Variants in SPATA17 observed in about 807,000 individuals in gnomAD.
The protein encoded by SPATA17 is spermatogenesis associated 17.
In SPATA17, 53 loss-of-function variants were observed where a neutral mutation model predicts 62.2. That is an observed-to-expected ratio of 0.85 (90% CI 0.68 to 1.07). The LOEUF (loss-of-function observed/expected upper bound fraction) is 1.07, where lower values mean the gene tolerates loss of function less well. Ranked by LOEUF, SPATA17 falls within the 50% of genes least tolerant of loss-of-function variation. The probability of loss-of-function intolerance (pLI) is 0.00; values close to 1 mark genes in which losing one functional copy is unlikely to be tolerated. For missense variants in SPATA17, 466 were observed against 425.5 expected, an observed-to-expected ratio of 1.10 and a Z score of -0.84; for synonymous variants, 146 against 146.8, an observed-to-expected ratio of 0.99 and a Z score of 0.04.
chr1:217,664,571 A>G (rs554635341), intron 3 of SPATA17, among the ~76,000 whole-genome samples: 354 of 152,204 alleles, frequency 2.3e-3, no homozygotes, highest in Non-Finnish European at 4.1e-3. Flanking sequence ...CTGGGAATAC[A>G]GGCGTAAACC....
At chr1:217,793,943 G>A (rs1227258644) in intron 8 of SPATA17, among the ~76,000 whole-genome samples, 1 of 151,808 alleles carries the variant, frequency 6.6e-6, no homozygotes, top group Admixed American at 6.6e-5. Context: ...GTGAAACCCC[G>A]TCTTTACTAA....
At chr1:217,749,899 C>T (rs56183781) in intron 6 of SPATA17, among the ~76,000 whole-genome samples, 1 of 146,930 alleles carries the variant, frequency 6.8e-6, no homozygotes, top group African/African-American at 2.5e-5. Flanking sequence ...TATGAGCATA[C>T]TGATACAGTC....
chr1:217,784,444 A>C (rs1673805561), intron 8 of SPATA17, among the ~76,000 whole-genome samples: 1 of 152,146 alleles, frequency 6.6e-6, no homozygotes, highest in Non-Finnish European at 1.5e-5. Context: ...TGAAAATTGC[A>C]GTGTGTTATA....
At chr1:217,778,042 A>G (rs1200835716) in intron 7 of SPATA17, among the ~76,000 whole-genome samples, 2 of 152,174 alleles carry the variant, frequency 1.3e-5, no homozygotes, top group East Asian at 3.8e-4. Flanking sequence ...ATCACATTGC[A>G]TATATAACAT....
chr1:217,719,468 G>T (rs563949575), intron 5 of SPATA17, among the ~76,000 whole-genome samples: 1 of 152,114 alleles, frequency 6.6e-6, no homozygotes, highest in Non-Finnish European at 1.5e-5. Context: ...GACTGCACAT[G>T]GCTTTAAATT....
intron 9 of SPATA17, among the ~76,000 whole-genome samples, chr1:217,858,499 G>T (rs551281254): frequency 6.6e-6 from 1 of 152,146 alleles, no homozygotes; most frequent in African/African-American, 2.4e-5. Flanking sequence ...CTATTTTCTA[G>T]AACAAATTAC....
intron 5 of SPATA17, among the ~76,000 whole-genome samples, chr1:217,721,988 T>G (rs1672137791): frequency 6.6e-6 from 1 of 152,182 alleles, no homozygotes; most frequent in African/African-American, 2.4e-5. Context: ...CCCTCTCTTC[T>G]GCCTTCCACA....
intron 8 of SPATA17, among the ~76,000 whole-genome samples, chr1:217,788,275 A>C (rs1392870058): frequency 6.6e-6 from 1 of 152,306 alleles, no homozygotes; most frequent in Non-Finnish European, 1.5e-5. Flanking sequence ...AGGAGACTAT[A>C]ATTATATCCA....
At chr1:217,780,625 C>A (rs1397406947) in intron 7 of SPATA17, among the ~76,000 whole-genome samples, 1 of 152,028 alleles carries the variant, frequency 6.6e-6, no homozygotes, top group Non-Finnish European at 1.5e-5. Context: ...GAATGCTGGT[C>A]TCTTCAAAGT....
intron 9 of SPATA17, among the ~76,000 whole-genome samples, chr1:217,841,977 C>T (rs1435438438): frequency 6.6e-6 from 1 of 151,444 alleles, no homozygotes; most frequent in Non-Finnish European, 1.5e-5. Context: ...CATACTTTAT[C>T]ATGTTAAAGA....
chr1:217,778,054 TAACTTTGCATC>T (rs1319758016), intron 7 of SPATA17, among the ~76,000 whole-genome samples: 1 of 152,188 alleles, frequency 6.6e-6, no homozygotes, highest in Non-Finnish European at 1.5e-5. Context: ...ATATAACATA[TAACTTTGCATC>T]AACAAGCAAT....
In SPATA17 at chr1:217,869,666, G is replaced by C. The variant is rs921696916; in HGVS notation, c.*2647G>C. ...ATCTTATTGCTATGAAAAATCTTAA[G>C]ATCTCTATTTTAATGTTAATGCTGG... On this transcript the variant is annotated 3_prime_UTR_variant, in exon 11 of 11. Transcript: ENST00000366933. 6.6e-6 allele frequency: 1 copy of C among 152,028 alleles called. No individual in the cohort carries two copies. 9.4% of individuals were successfully genotyped at this position (152,028 alleles called of 1,614,324 possible).
intron 5 of SPATA17, among the ~76,000 whole-genome samples, chr1:217,733,326 G>A (rs778243453): frequency 6.6e-6 from 1 of 152,094 alleles, no homozygotes; most frequent in Admixed American, 6.6e-5. Flanking sequence ...AAAGCCTACC[G>A]AAGAGAGCAA....
chr1:217,782,460 T>G (rs1673753316), intron 8 of SPATA17, 138 bp downstream of exon 8: 1 of 944,336 alleles, frequency 1.1e-6, no homozygotes. Context: ...TCCAAAGCAA[T>G]AATTTTTCAG....
At chr1:217,748,802 T>C (rs1009156229) in intron 6 of SPATA17, among the ~76,000 whole-genome samples, 1 of 151,874 alleles carries the variant, frequency 6.6e-6, no homozygotes, top group Admixed American at 6.6e-5. Context: ...TTCGACTCTA[T>C]CTTTTAAGTA....
At chr1:217,793,812 A>G (rs1432315511) in intron 8 of SPATA17, among the ~76,000 whole-genome samples, 1 of 152,046 alleles carries the variant, frequency 6.6e-6, no homozygotes, top group Non-Finnish European at 1.5e-5. Context: ...GCAAGTTCAA[A>G]TTCAGTGAAA....
chr1:217,671,009 T>A (rs1341720698), intron 4 of SPATA17, among the ~76,000 whole-genome samples: 1 of 151,248 alleles, frequency 6.6e-6, no homozygotes, highest in African/African-American at 2.4e-5. Context: ...AGAAACAGCT[T>A]ACTGCAAAAT....
chr1:217,692,784 G>T (rs1671369177), intron 5 of SPATA17, among the ~76,000 whole-genome samples: 1 of 57,662 alleles, frequency 1.7e-5, no homozygotes, highest in African/African-American at 6.8e-5. Context: ...TTTATATGCT[G>T]GATTACATTT....
intron 9 of SPATA17, among the ~76,000 whole-genome samples, chr1:217,811,901 T>A (rs1674600390): frequency 6.6e-6 from 1 of 152,160 alleles, no homozygotes; most frequent in Non-Finnish European, 1.5e-5. Context: ...CTTTGTTTCT[T>A]GATATTGGAA....
Sources: gnomAD v4.1 joint callset for allele counts (sites outside exome capture counted in the v4.1 genomes callset) on GRCh38, gnomAD v4.1.1 for gene constraint, MANE v1.5 for transcripts, NCBI Gene and HGNC (gene_info 2026-07-23, HGNC 2026-07-21) for gene names.